The following PUM2 variants were observed in gnomAD, a reference collection of about 807,000 sequenced individuals.
PUM2 encodes the protein pumilio homolog 2.
PUM2 carries 57 observed loss-of-function variants against 124.5 expected under a neutral mutation model. The observed-to-expected ratio is 0.46, with a 90% CI of 0.37 to 0.57. PUM2 has a LOEUF of 0.57. Among genes scored for constraint, PUM2 ranks in the 20% least tolerant of loss-of-function variants. The probability of loss-of-function intolerance (pLI) is 0.00; values close to 1 mark genes in which losing one functional copy is unlikely to be tolerated. For missense variants in PUM2, 1,065 were observed against 1,290.6 expected, an observed-to-expected ratio of 0.83 and a Z score of 2.68; for synonymous variants, 460 against 446.1, an observed-to-expected ratio of 1.03 and a Z score of -0.39.
intron 5 of PUM2, 142 bp from the exon 6 acceptor site, chr2:20,308,726 A>AT (rs1449596094): frequency 1.1e-5 from 8 of 725,344 alleles, no homozygotes; most frequent in South Asian, 4.4e-5. Flanking sequence ...ACCTTATCAC[A>AT]TTTTTTTCTA....
At chr2:20,326,239 A>T in intron 2 of PUM2, 1 of 1,297,042 alleles carries the variant, frequency 7.7e-7, no homozygotes, top group Non-Finnish European at 1.0e-6. Flanking sequence ...GGCAATACTT[A>T]AGCTTAAGCA....
intron 1 of PUM2, among the ~76,000 whole-genome samples, chr2:20,349,481 G>A (rs1688877947): frequency 6.6e-6 from 1 of 151,396 alleles, no homozygotes; most frequent in African/African-American, 2.4e-5. Context: ...TTTAAAAGGA[G>A]GCTAGGAAGA....
At chr2:20,340,790 G>A (rs1434239398) in intron 1 of PUM2, among the ~76,000 whole-genome samples, 1 of 152,112 alleles carries the variant, frequency 6.6e-6, no homozygotes, top group Non-Finnish European at 1.5e-5. Flanking sequence ...CAGTCATCAT[G>A]GTGTAACAGA....
chr2:20,262,525 G>A (rs149951903), intron 14 of PUM2, among the ~76,000 whole-genome samples: 125 of 152,228 alleles, frequency 8.2e-4, no homozygotes, highest in African/African-American at 2.9e-3. Flanking sequence ...ACACAACAAC[G>A]TATTTTCTAG....
chr2:20,337,041 T>G (rs1297060398), intron 1 of PUM2, among the ~76,000 whole-genome samples: 1 of 152,070 alleles, frequency 6.6e-6, no homozygotes, highest in Admixed American at 6.6e-5. Context: ...AGAACTGCCT[T>G]CAAAAAACAC....
intron 13 of PUM2, among the ~76,000 whole-genome samples, chr2:20,274,976 A>AAAAAAAAAAAAAAAAAAAAATT (rs1572653682): frequency 6.8e-6 from 1 of 148,004 alleles, no homozygotes. Flanking sequence ...AAAAAAAAAG[A>AAAAAAAAAAAAAAAAAAAAATT]TGCTTACTTC....
chr2:20,256,663 G>T (rs911569198), intron 16 of PUM2, among the ~76,000 whole-genome samples: 3 of 152,060 alleles, frequency 2.0e-5, no homozygotes, highest in African/African-American at 7.2e-5. Flanking sequence ...ACTACTTATG[G>T]GCTATGATTT....
intron 14 of PUM2, among the ~76,000 whole-genome samples, chr2:20,261,165 T>C (rs1572564433): frequency 6.6e-6 from 1 of 151,890 alleles, no homozygotes. Flanking sequence ...CAGAGGTGGG[T>C]GGATCACCTG....
intron 16 of PUM2, 54 bp downstream of exon 16, chr2:20,258,189 T>C: frequency 7.0e-7 from 1 of 1,435,380 alleles, no homozygotes; most frequent in East Asian, 2.5e-5. Flanking sequence ...AAACATGTAA[T>C]AATTTAAAAA....
At chr2:20,261,852 AG>A (rs1261344310) in intron 14 of PUM2, among the ~76,000 whole-genome samples, 4 of 152,022 alleles carry the variant, frequency 2.6e-5, no homozygotes, top group African/African-American at 7.3e-5. Flanking sequence ...ATTACAAGTC[AG>A]TAAGTTAAAA....
intron 1 of PUM2, among the ~76,000 whole-genome samples, chr2:20,340,686 A>T (rs1468981884): frequency 6.6e-6 from 1 of 152,232 alleles, no homozygotes; most frequent in Non-Finnish European, 1.5e-5. Flanking sequence ...TTCCCTCTGC[A>T]GATAGGGTTG....
intron 1 of PUM2, among the ~76,000 whole-genome samples, chr2:20,336,771 T>C (rs1206939125): frequency 7.6e-6 from 1 of 131,652 alleles, no homozygotes; most frequent in Non-Finnish European, 1.7e-5. Context: ...TGTGTGTGTG[T>C]GTGTGTGTGT....
At chr2:20,265,742 T>A (rs1430239382) in intron 13 of PUM2, among the ~76,000 whole-genome samples, 3 of 152,224 alleles carry the variant, frequency 2.0e-5, no homozygotes, top group African/African-American at 7.2e-5. Context: ...TGCTCTAAGA[T>A]CTTCAACCTA....
At chr2:20,313,874 G>A (rs1278054070) in intron 3 of PUM2, among the ~76,000 whole-genome samples, 1 of 147,358 alleles carries the variant, frequency 6.8e-6, no homozygotes, top group Non-Finnish European at 1.5e-5. Context: ...CAGGGGCAGT[G>A]ACTCACTCCT....
intron 2 of PUM2, among the ~76,000 whole-genome samples, chr2:20,323,336 T>C (rs1004432902): frequency 9.2e-5 from 14 of 151,414 alleles, no homozygotes; most frequent in African/African-American, 3.4e-4. Flanking sequence ...CGGTCCCAGC[T>C]ACTCGGGAGG....
At chr2:20,286,043 G>C (rs1386568197) in intron 10 of PUM2, among the ~76,000 whole-genome samples, 1 of 152,182 alleles carries the variant, frequency 6.6e-6, no homozygotes, top group Non-Finnish European at 1.5e-5. Flanking sequence ...CAAAGAGTAA[G>C]ACAGGCAACA....
At chr2:20,326,196 T>C (rs1260810892) in intron 2 of PUM2, 13 of 1,198,016 alleles carry the variant, frequency 1.1e-5, no homozygotes, top group Non-Finnish European at 1.4e-5. Context: ...GTTGAGAATT[T>C]TACCTTATGC....
chr2:20,341,500 T>G (rs1258460255), intron 1 of PUM2, among the ~76,000 whole-genome samples: 2 of 152,236 alleles, frequency 1.3e-5, no homozygotes, highest in African/African-American at 4.8e-5. Context: ...AATGTATGAC[T>G]ACATATGTTT....
intron 3 of PUM2, among the ~76,000 whole-genome samples, chr2:20,314,115 C>T (rs572600974): frequency 2.8e-4 from 42 of 152,234 alleles, no homozygotes; most frequent in Admixed American, 6.5e-4. Flanking sequence ...CACTGCACTC[C>T]AGCCTGGGTG....
Sources: gnomAD v4.1 joint callset for allele counts (sites outside exome capture counted in the v4.1 genomes callset) on GRCh38, gnomAD v4.1.1 for gene constraint, MANE v1.5 for transcripts, NCBI Gene and HGNC (gene_info 2026-07-23, HGNC 2026-07-21) for gene names.